Variants in TBCE observed in about 807,000 individuals in gnomAD.
TBCE encodes the protein tubulin folding cofactor E.
TBCE carries 53 observed loss-of-function variants against 77.0 expected under a neutral mutation model. The ratio of observed to expected loss-of-function variants is 0.69; its 90% CI spans 0.55 to 0.87. TBCE has a LOEUF of 0.87. Among genes scored for constraint, TBCE ranks in the 40% least tolerant of loss-of-function variants. The probability of loss-of-function intolerance (pLI) is 0.00; values close to 1 mark genes in which losing one functional copy is unlikely to be tolerated. For missense variants in TBCE, 624 were observed against 622.4 expected, an observed-to-expected ratio of 1.00 and a Z score of -0.03; for synonymous variants, 235 against 241.3, an observed-to-expected ratio of 0.97 and a Z score of 0.24.
rs183971923 is a variant in TBCE at position 235,446,182 on chromosome 1, C to T, written c.1400-2167C>T. Reference sequence around the variant, plus strand: ...TCAATATATTATAAAACCTATACATCCTTTTTTTTTTGAGACGGAGTCTCA... The same window carrying T: ...TCAATATATTATAAAACCTATACATTCTTTTTTTTTTGAGACGGAGTCTCA... On this transcript the variant is annotated intron_variant, in intron 15 of 16. Coordinates refer to ENST00000642610, the MANE Select transcript of TBCE (RefSeq NM_003193.5). Among the ~76,000 whole-genome samples, 614 of 147,796 alleles carry T rather than the reference C, an allele frequency of 4.2e-3. 3 individuals carry two copies. Among genetic ancestry groups the T allele is most frequent in the Non-Finnish European group, 7.1e-3 (478 of 67,148 alleles).
At chr1:235,448,247 T>C (rs1332812894) in intron 15 of TBCE, 102 bp from the exon 16 acceptor site, 3 of 747,860 alleles carry the variant, frequency 4.0e-6, no homozygotes, top group African/African-American at 3.7e-5. Context: ...AAAAGACAGA[T>C]ACAGCTATCA....
chr1:235,373,773 C>G (rs951470014), intron 1 of TBCE, among the ~76,000 whole-genome samples: 4 of 149,400 alleles, frequency 2.7e-5, no homozygotes, highest in African/African-American at 7.5e-5. Flanking sequence ...CTCAGCCTCC[C>G]GAGTAGCTGG....
chr1:235,437,638 C>T (rs1461702035), intron 12 of TBCE, among the ~76,000 whole-genome samples, 164 bp downstream of exon 12: 2 of 151,796 alleles, frequency 1.3e-5, no homozygotes, highest in Admixed American at 1.3e-4. Flanking sequence ...CTTGTGAAAC[C>T]CCATCTCTAC....
intron 5 of TBCE, among the ~76,000 whole-genome samples, chr1:235,420,509 A>C (rs1435759233): frequency 9.8e-6 from 1 of 101,814 alleles, no homozygotes; most frequent in Non-Finnish European, 1.8e-5. Context: ...TTTGAGACGG[A>C]GTCTCGCTCT....
At chr1:235,448,598 G>A in intron 16 of TBCE, 72 bp from the exon 17 acceptor site, 1 of 1,417,648 alleles carries the variant, frequency 7.1e-7, no homozygotes, top group South Asian at 1.1e-5. Context: ...CGGGGTGGGG[G>A]AAGAGTATGT....
At chr1:235,387,145 C>G (rs557644180) in intron 2 of TBCE, among the ~76,000 whole-genome samples, 1 of 152,194 alleles carries the variant, frequency 6.6e-6, no homozygotes, top group African/African-American at 2.4e-5. Context: ...GCTGTCTGAT[C>G]GTTCCTCTGG....
At chr1:235,394,864 C>T (rs1335295069) in intron 2 of TBCE, among the ~76,000 whole-genome samples, 2 of 152,086 alleles carry the variant, frequency 1.3e-5, no homozygotes, top group East Asian at 1.9e-4. Context: ...AGGCACTAGC[C>T]ACCATACCTT....
chr1:235,393,020 A>G (rs1678487313), intron 2 of TBCE, among the ~76,000 whole-genome samples: 1 of 151,914 alleles, frequency 6.6e-6, no homozygotes, highest in African/African-American at 2.4e-5. Flanking sequence ...TTAATAAAAA[A>G]AAATTCTGCT....
At chr1:235,406,143 TG>T (rs1431733878) in intron 3 of TBCE, among the ~76,000 whole-genome samples, 29 of 152,344 alleles carry the variant, frequency 1.9e-4, no homozygotes, top group African/African-American at 5.8e-4. Flanking sequence ...GAGTAGGTAA[TG>T]TTATCTGTGA....
chr1:235,383,338 T>C (rs1235322692), intron 2 of TBCE, among the ~76,000 whole-genome samples: 2 of 152,110 alleles, frequency 1.3e-5, no homozygotes, highest in Non-Finnish European at 2.9e-5. Flanking sequence ...AGTAGTTTTT[T>C]CCAATTCTGT....
intron 15 of TBCE, among the ~76,000 whole-genome samples, chr1:235,447,715 G>A (rs1201655578): frequency 1.3e-5 from 2 of 152,220 alleles, no homozygotes; most frequent in East Asian, 1.9e-4. Flanking sequence ...TTAATGACTC[G>A]CTCCCTTTAT....
chr1:235,367,725 A>G (rs1387251705), intron 1 of TBCE, among the ~76,000 whole-genome samples: 1 of 152,164 alleles, frequency 6.6e-6, no homozygotes, highest in East Asian at 1.9e-4. Flanking sequence ...CGTGATCTCT[A>G]GCATTTTAAG....
intron 2 of TBCE, among the ~76,000 whole-genome samples, chr1:235,393,334 C>T (rs1272624157): frequency 2.6e-5 from 4 of 152,136 alleles, no homozygotes; most frequent in Admixed American, 6.6e-5. Context: ...GTCAGGAGAT[C>T]GAGACCTTCC....
chr1:235,379,100 G>A (rs1284822583), intron 1 of TBCE, among the ~76,000 whole-genome samples: 1 of 151,904 alleles, frequency 6.6e-6, no homozygotes, highest in Non-Finnish European at 1.5e-5. Flanking sequence ...GACTTCTTAG[G>A]GATTTCTTCT....
chr1:235,400,746 G>A (rs1572364587), intron 2 of TBCE, among the ~76,000 whole-genome samples: 1 of 149,110 alleles, frequency 6.7e-6, no homozygotes, highest in East Asian at 2.0e-4. Context: ...CCAGGCTGGA[G>A]TGCAGTGGCA....
intron 4 of TBCE, among the ~76,000 whole-genome samples, chr1:235,417,235 C>A (rs1680159804): frequency 6.6e-6 from 1 of 152,094 alleles, no homozygotes. Flanking sequence ...ATGCTTAGTG[C>A]CAAGTTGACC....
intron 16 of TBCE, 72 bp downstream of exon 16, chr1:235,448,512 GAT>G: frequency 6.8e-7 from 1 of 1,475,948 alleles, no homozygotes; most frequent in Non-Finnish European, 9.5e-7. Context: ...ACTGTCTCTA[GAT>G]AGCAACAGTT....
chr1:235,439,976 A>G (rs977569762), intron 13 of TBCE, among the ~76,000 whole-genome samples: 1 of 145,122 alleles, frequency 6.9e-6, no homozygotes, highest in Non-Finnish European at 1.5e-5. Context: ...TAATTTTTGT[A>G]TATTTATTTT....
intron 7 of TBCE, chr1:235,433,004 A>T (rs1339181246): frequency 6.6e-7 from 1 of 1,514,364 alleles, no homozygotes; most frequent in Non-Finnish European, 8.8e-7. Flanking sequence ...GACGCCAGCA[A>T]GTTCGTGGAT....
Sources: allele counts gnomAD v4.1 joint callset (sites outside exome capture counted in the v4.1 genomes callset), GRCh38; gene constraint gnomAD v4.1.1; transcripts MANE v1.5; gene names NCBI Gene and HGNC (gene_info 2026-07-23, HGNC 2026-07-21).